VSTM5: variants seen among roughly 807,000 people sequenced by gnomAD.
VSTM5 encodes V-set and transmembrane domain-containing protein 5.
VSTM5 carries 21 observed loss-of-function variants against 20.3 expected under a neutral mutation model. The observed-to-expected ratio is 1.03, with a 90% CI of 0.73 to 1.49. The LOEUF is 1.49. Ranked by LOEUF, VSTM5 falls within the 40% of genes most tolerant of loss-of-function variation. The probability of loss-of-function intolerance (pLI) is 0.00; values close to 1 mark genes in which losing one functional copy is unlikely to be tolerated. For missense variants in VSTM5, 219 were observed against 250.0 expected (o/e 0.88, Z 0.84); for synonymous variants, 100 against 102.5 (o/e 0.98, Z 0.14).
intron 1 of VSTM5, among the ~76,000 whole-genome samples, chr11:93,834,742 C>T (rs1469789039): frequency 4.5e-5 from 6 of 133,908 alleles, no homozygotes; most frequent in Admixed American, 4.4e-4. Flanking sequence ...GAGATTGTGC[C>T]ACTGCACTCC....
At chr11:93,850,338 G>T (rs1944448774) in intron 1 of VSTM5, 74 bp downstream of exon 1, 2 of 1,359,758 alleles carry the variant, frequency 1.5e-6, no homozygotes, top group South Asian at 2.6e-5. Flanking sequence ...GCCGCTGCTA[G>T]ACCCCGGGGC....
At chr11:93,850,165 C>T (rs1438369969) in intron 1 of VSTM5, among the ~76,000 whole-genome samples, 1 of 152,086 alleles carries the variant, frequency 6.6e-6, no homozygotes, top group Admixed American at 6.5e-5. Context: ...CCGAAGTGGG[C>T]CGGGGCGCCG....
chr11:93,821,385 T>G lies in VSTM5; in HGVS notation c.92-62A>C, dbSNP rs928310466. The G allele has an allele frequency of 2.2e-6, 3 of 1,377,556 alleles. No individual in the cohort carries two copies. The African/African-American group carries it at 4.4e-5, about 20-fold the overall frequency. The allele number at this position is 1,377,556 out of a possible 1,614,324, so 85.3% of individuals were successfully genotyped here. ...ATGGCTTTATACTGAAGTGAACTTA[T>G]ATAATTTGTTGATCTATTACACAAA... On this transcript the variant is annotated intron_variant, in intron 1 of 3. Transcript: ENST00000409977.
chr11:93,840,946 A>C (rs1944365540), intron 1 of VSTM5, among the ~76,000 whole-genome samples: 1 of 148,660 alleles, frequency 6.7e-6, no homozygotes, highest in Non-Finnish European at 1.5e-5. Flanking sequence ...AATTCATGAT[A>C]ATTTCCTAAA....
intron 1 of VSTM5, among the ~76,000 whole-genome samples, chr11:93,848,710 C>T (rs1182949560): frequency 6.6e-6 from 1 of 152,206 alleles, no homozygotes; most frequent in South Asian, 2.1e-4. Flanking sequence ...GACACCTGAG[C>T]TTCCTGAGAA....
At chr11:93,844,283 C>T (rs11826053) in intron 1 of VSTM5, among the ~76,000 whole-genome samples, 14,358 of 152,036 alleles carry the variant, frequency 0.094, 1,109 homozygotes, top group African/African-American at 0.21. Context: ...CATTGGCTTT[C>T]AAAAAGAATG....
At chr11:93,830,624 G>A (rs975711196) in intron 1 of VSTM5, among the ~76,000 whole-genome samples, 2 of 152,204 alleles carry the variant, frequency 1.3e-5, no homozygotes, top group African/African-American at 4.8e-5. Flanking sequence ...AGCAGGAAAG[G>A]AGTATCTCCG....
intron 1 of VSTM5, among the ~76,000 whole-genome samples, chr11:93,843,418 C>T (rs541628236): frequency 1.4e-4 from 21 of 152,202 alleles, no homozygotes; most frequent in African/African-American, 4.8e-4. Context: ...ATCCCCAGGG[C>T]CTAGCACAGT....
In VSTM5 at chr11:93,819,418, C is replaced by T. The variant is rs1944160712; in HGVS notation, c.*1151G>A. On this transcript the variant is annotated 3_prime_UTR_variant, in exon 4 of 4. Transcript: ENST00000409977. The stretch of plus-strand genomic sequence containing the variant: ...GGCCAAGGCCAGCTGTGGTCCAGTC[C>T]CCAATCTCACCTGGAGCCCCAAGAC... 6.6e-6 allele frequency: 1 copy of T among 152,208 alleles called. No individual in the cohort carries two copies. The highest frequency in any genetic ancestry group is 1.5e-5 in the Non-Finnish European group (1 of 68,050). The allele number at this position is 152,208 out of a possible 1,614,324, so 9.4% of individuals were successfully genotyped here. A position where few individuals can be genotyped will look rare whatever the true frequency, so the allele number is the denominator to read the frequency against.
chr11:93,822,173 CT>C (rs1944192573), intron 1 of VSTM5: 1 of 150,644 alleles, frequency 6.6e-6, no homozygotes, highest in East Asian at 2.0e-4. Flanking sequence ...CCTCCACCTC[CT>C]GGGTTGAAGC....
chr11:93,824,937 G>C (rs1408707894), intron 1 of VSTM5, among the ~76,000 whole-genome samples: 3 of 152,184 alleles, frequency 2.0e-5, no homozygotes, highest in Non-Finnish European at 4.4e-5. Flanking sequence ...TCTTCATTGT[G>C]TATTCTTGGC....
rs1400011293 is a variant in VSTM5, at chr11:93,850,446, G to A, written c.57C>T (p.Phe19=). Residue 19 remains phenylalanine (F), a synonymous_variant, in exon 1 of 4, where the codon TTC becomes TTT. Transcript: ENST00000409977. ...RKTRGISLGL[F]ALCLAAARCL... ...AGCGGGCTGCGGCCAGGCAGAGGGC[G>A]AAGAGTCCTAGGGAGATGCCTCGGG... 4 of 1,549,500 alleles carry A rather than the reference G, an allele frequency of 2.6e-6. No homozygotes were observed. Among genetic ancestry groups the A allele is most frequent in the Non-Finnish European group, 3.5e-6 (4 of 1,146,334 alleles).
intron 1 of VSTM5, among the ~76,000 whole-genome samples, chr11:93,839,389 C>T (rs1329481967): frequency 6.6e-6 from 1 of 152,204 alleles, no homozygotes; most frequent in Non-Finnish European, 1.5e-5. Flanking sequence ...AGGCCTGGCA[C>T]CTCTGCCCCT....
At chr11:93,838,806 A>G (rs1405289934) in intron 1 of VSTM5, among the ~76,000 whole-genome samples, 1 of 152,208 alleles carries the variant, frequency 6.6e-6, no homozygotes, top group African/African-American at 2.4e-5. Flanking sequence ...TAAAAAAAAT[A>G]AAATGAATAA....
At chr11:93,849,058 C>T (rs1459349181) in intron 1 of VSTM5, among the ~76,000 whole-genome samples, 1 of 152,134 alleles carries the variant, frequency 6.6e-6, no homozygotes, top group Non-Finnish European at 1.5e-5. Flanking sequence ...TGGGTTCTAG[C>T]CAGAGAGGTG....
intron 1 of VSTM5, among the ~76,000 whole-genome samples, chr11:93,836,842 G>A (rs1043156077): frequency 3.9e-5 from 6 of 152,130 alleles, no homozygotes; most frequent in South Asian, 2.1e-4. Context: ...GAGAATTTAC[G>A]CTCAGTGACT....
Position 93,818,888 on chromosome 11 carries a change from CGT to C in VSTM5, c.*1679_*1680del, listed in dbSNP as rs1318137813. 2 of 152,200 alleles carry C rather than the reference CGT, an allele frequency of 1.3e-5. No homozygotes were observed. Among genetic ancestry groups the C allele is most frequent in the Non-Finnish European group, 2.9e-5 (2 of 68,068 alleles). The allele number at this position is 152,200 out of a possible 1,614,324, so 9.4% of individuals were successfully genotyped here. On this transcript the variant is annotated 3_prime_UTR_variant, in exon 4 of 4. Coordinates refer to ENST00000409977, the MANE Select transcript of VSTM5 (RefSeq NM_001144871.2). ...ATAGGACATAGTGTGTGAGTTTACC[CGT>C]GTGTCTACAGGAGGCGCCTTGAGGG...
chr11:93,831,002 G>A (rs186600237), intron 1 of VSTM5, among the ~76,000 whole-genome samples: 37 of 151,830 alleles, frequency 2.4e-4, no homozygotes, highest in Admixed American at 2.3e-3. Flanking sequence ...AAAGCAGTCC[G>A]CCCACCCCGG....
In VSTM5 at chr11:93,849,073, G is replaced by GGGT. The variant is rs1390157994; in HGVS notation, c.91+1338_91+1339insACC. On this transcript the variant is annotated intron_variant, in intron 1 of 3. Transcript: ENST00000409977. ...TGGGTTCTAGCCAGAGAGGTGTAAA[G>GGGT]GTCAAAAATGTTAGATCGTTCAGTC... 1.1e-3 allele frequency among the ~76,000 whole-genome samples: 167 copies of GGGT among 152,266 alleles called. 1 individual carries two copies. Among genetic ancestry groups the GGGT allele is most frequent in the African/African-American group, 3.8e-3 (158 of 41,560 alleles).
Sources: gnomAD v4.1 joint callset for allele counts (sites outside exome capture counted in the v4.1 genomes callset) on GRCh38, gnomAD v4.1.1 for gene constraint, MANE v1.5 for transcripts, NCBI Gene and HGNC (gene_info 2026-07-23, HGNC 2026-07-21) for gene names.